Variants in XPO6 observed in about 807,000 individuals in gnomAD.
XPO6 encodes exportin 6.
A neutral mutation model predicts 130.0 loss-of-function variants in XPO6; 3 were observed. That is an observed-to-expected ratio of 0.02 (90% confidence interval 0.01 to 0.06). The LOEUF (loss-of-function observed/expected upper bound fraction) is 0.06. XPO6 is among the 10% of genes least tolerant of loss of function. XPO6 has a pLI of 1.00. For synonymous variants in XPO6, 524 were observed against 548.9 expected (o/e 0.95, Z 0.63); for missense variants, 970 against 1,393.0 (o/e 0.70, Z 4.83).
At chr16:28,197,978 A>C (rs1470648345) in intron 1 of XPO6, among the ~76,000 whole-genome samples, 2 of 124,124 alleles carry the variant, frequency 1.6e-5, no homozygotes, top group Admixed American at 8.4e-5. Context: ...AAAAAAAAAA[A>C]AAAAAAAAAA....
chr16:28,211,274 G>A, intron 1 of XPO6, 92 bp downstream of exon 1: 2 of 1,261,806 alleles, frequency 1.6e-6, no homozygotes, highest in Non-Finnish European at 2.0e-6. Context: ...CCCCGCCATG[G>A]GGAGAGCAGC....
chr16:28,177,652 ATCT>A (rs2043554095), intron 2 of XPO6, among the ~76,000 whole-genome samples: 1 of 152,188 alleles, frequency 6.6e-6, no homozygotes, highest in Non-Finnish European at 1.5e-5. Flanking sequence ...GTACCCTTCC[ATCT>A]TCTTAAAACT....
rs199498665 is a variant in XPO6 at position 28,166,564 on chromosome 16, T to C, written c.587A>G (p.Asp196Gly). Reference protein sequence around the residue: ...LLTGILETVWDKHSVTAATPP... With the variant: ...LLTGILETVWGKHSVTAATPP... ...AGTGGCAGCAGTAACACTGTGTTTG[T>C]CCCAGACAGTCTCCAAGATACCTAC... The change falls in exon 6 of 24, where the codon GAC becomes GGC. Residue 196 changes from aspartate to glycine, a missense_variant. By Grantham distance (94) the Asp-to-Gly change is moderately conservative. This residue lies in a region of XPO6 where 936 missense variants were observed against 1,306.8 expected (regional missense o/e 0.72). Coordinates refer to ENST00000304658, the MANE Select transcript of XPO6 (RefSeq NM_015171.4). The C allele has an allele frequency of 6.3e-7, 1 of 1,588,534 alleles. No individual in the cohort carries two copies. Among genetic ancestry groups the C allele is most frequent in the Non-Finnish European group, 8.6e-7 (1 of 1,166,112 alleles).
intron 1 of XPO6, among the ~76,000 whole-genome samples, chr16:28,196,972 C>A (rs1453324142): frequency 2.6e-5 from 4 of 152,180 alleles, no homozygotes; most frequent in African/African-American, 7.2e-5. Flanking sequence ...TTCAAATACT[C>A]CTTCAGCAAC....
At chr16:28,176,417 T>C (rs1437580856) in intron 3 of XPO6, among the ~76,000 whole-genome samples, 1 of 151,826 alleles carries the variant, frequency 6.6e-6, no homozygotes. Context: ...TGGTGAATAA[T>C]GTCATAACCA....
At chr16:28,156,830 G>C (rs2043191579) in intron 6 of XPO6, among the ~76,000 whole-genome samples, 1 of 152,126 alleles carries the variant, frequency 6.6e-6, no homozygotes, top group Admixed American at 6.5e-5. Context: ...TTTCCCAGGA[G>C]ACATAAGTGA....
intron 1 of XPO6, among the ~76,000 whole-genome samples, chr16:28,209,787 T>C (rs1294523493): frequency 2.0e-5 from 3 of 152,182 alleles, no homozygotes; most frequent in Admixed American, 6.5e-5. Context: ...TTGAGGAAAT[T>C]GGAACTGAGA....
At chr16:28,129,239 C>G (rs2042620491) in intron 12 of XPO6, among the ~76,000 whole-genome samples, 1 of 152,156 alleles carries the variant, frequency 6.6e-6, no homozygotes, top group African/African-American at 2.4e-5. Context: ...ATAAATACCC[C>G]AAATCAAATT....
At chr16:28,125,141 G>A (rs959453162) in intron 13 of XPO6, among the ~76,000 whole-genome samples, 1 of 152,188 alleles carries the variant, frequency 6.6e-6, no homozygotes, top group African/African-American at 2.4e-5. Flanking sequence ...GTGAAAGGCT[G>A]GGAACCACCT....
intron 10 of XPO6, among the ~76,000 whole-genome samples, chr16:28,134,756 A>G (rs1291999192): frequency 6.6e-6 from 1 of 152,250 alleles, no homozygotes; most frequent in African/African-American, 2.4e-5. Flanking sequence ...CAGCATCAAT[A>G]AATTCAAGGC....
At position 28,101,441 on chromosome 16, in the gene XPO6, C is replaced by G. The variant is rs1567587621; in HGVS notation, c.3276+17G>C. The G allele has an allele frequency of 6.2e-7, 1 of 1,611,688 alleles. No individual in the cohort carries two copies. Among genetic ancestry groups the G allele is most frequent in the Non-Finnish European group, 8.5e-7 (1 of 1,177,820 alleles). ...CCACTCTGCCCTCCTCTTAGCCCGGCCTCTTTCTCTCCTCACCCGATCCAT... is the reference window on the plus strand; with the variant it reads ...CCACTCTGCCCTCCTCTTAGCCCGGGCTCTTTCTCTCCTCACCCGATCCAT... On this transcript the variant is annotated intron_variant, in intron 23 of 23. Transcript: ENST00000304658. This position sits in a 1 kb window ranked among gnomAD's most constrained non-coding sequence, Gnocchi z 5.4.
chr16:28,128,417 G>A lies in XPO6; in HGVS notation c.1607-2569C>T, dbSNP rs140110757. ...TCTCCACATGCTCAACCTTCATTTCGCACCTCCACCTCCCCCCAGGCTCTA... is the reference window on the plus strand; with the variant it reads ...TCTCCACATGCTCAACCTTCATTTCACACCTCCACCTCCCCCCAGGCTCTA... On this transcript the variant is annotated intron_variant, in intron 12 of 23. Transcript: ENST00000304658. 6.2e-4 allele frequency among the ~76,000 whole-genome samples: 95 copies of A among 152,060 alleles called. No homozygotes were observed. In the East Asian group the frequency reaches 8.3e-3, roughly 13 times the overall value.
chr16:28,178,681 C>T (rs988278187), intron 2 of XPO6, among the ~76,000 whole-genome samples: 3 of 150,482 alleles, frequency 2.0e-5, no homozygotes, highest in Non-Finnish European at 4.4e-5. Flanking sequence ...CCCAGGAGGC[C>T]GAGGTTGCAA....
intron 6 of XPO6, among the ~76,000 whole-genome samples, chr16:28,164,300 T>C (rs1240179631): frequency 6.6e-6 from 1 of 152,238 alleles, no homozygotes; most frequent in African/African-American, 2.4e-5. Flanking sequence ...AACAACTTTC[T>C]GGAAGTTTTA....
chr16:28,101,719 C>A lies in XPO6; in HGVS notation c.3046-31G>T. ...GGCAGAGAGACCAGGTGAGCAGCAGCCAGCCCCCAGGGGCCTGTCCCGGGT... is the reference window on the plus strand; with the variant it reads ...GGCAGAGAGACCAGGTGAGCAGCAGACAGCCCCCAGGGGCCTGTCCCGGGT... On this transcript the variant is annotated intron_variant, in intron 22 of 23. Transcript: ENST00000304658. This position sits in a 1 kb window ranked among gnomAD's most constrained non-coding sequence, Gnocchi z 5.4. The A allele has an allele frequency of 6.3e-7, 1 of 1,593,572 alleles. No individual in the cohort carries two copies. The highest frequency in any genetic ancestry group is 8.6e-7 in the Non-Finnish European group (1 of 1,166,714).
intron 15 of XPO6, 30 bp from the exon 16 acceptor site, chr16:28,113,080 C>T (rs1443835702): frequency 6.2e-7 from 1 of 1,605,292 alleles, no homozygotes; most frequent in Non-Finnish European, 8.5e-7. Flanking sequence ...CGTCAGCTCA[C>T]CACATCCCTG....
chr16:28,102,737 T>C (rs1056669774), intron 21 of XPO6, among the ~76,000 whole-genome samples: 23 of 150,288 alleles, frequency 1.5e-4, no homozygotes, highest in Non-Finnish European at 2.5e-4. Flanking sequence ...GCAAGACTTA[T>C]CTCAAAAAAA....
intron 9 of XPO6, among the ~76,000 whole-genome samples, 178 bp downstream of exon 9, chr16:28,145,916 A>G (rs2042974597): frequency 6.6e-6 from 1 of 152,258 alleles, no homozygotes; most frequent in South Asian, 2.1e-4. Flanking sequence ...TAAAATTTTA[A>G]AAAGTCTTAA....
At chr16:28,103,063 T>C (rs2086686655) in intron 21 of XPO6, among the ~76,000 whole-genome samples, 1 of 152,186 alleles carries the variant, frequency 6.6e-6, no homozygotes, top group Non-Finnish European at 1.5e-5. Context: ...GAGGTTTATC[T>C]TTCTATGAAT....
Sources: allele counts gnomAD v4.1 joint callset (sites outside exome capture counted in the v4.1 genomes callset), GRCh38; gene constraint gnomAD v4.1.1; regional missense constraint gnomAD v4.1.1; non-coding constraint Gnocchi (gnomAD v3.1); transcripts MANE v1.5; gene names NCBI Gene and HGNC (gene_info 2026-07-23, HGNC 2026-07-21).